The following APBB2 variants were observed in gnomAD, a reference collection of about 807,000 sequenced individuals.
The protein encoded by APBB2 is Fe65-like 1.
A neutral mutation model predicts 82.5 loss-of-function variants in APBB2; 38 were observed. The ratio of observed to expected loss-of-function variants is 0.46; its 90% CI spans 0.36 to 0.60. The LOEUF (loss-of-function observed/expected upper bound fraction) is 0.60, where lower values mean the gene tolerates loss of function less well. Ranked by LOEUF, APBB2 falls within the 20% of genes least tolerant of loss-of-function variation. APBB2 has a pLI of 0.00. For missense variants in APBB2, 772 were observed against 972.3 expected (o/e 0.79, Z 2.74); for synonymous variants, 341 against 368.2 (o/e 0.93, Z 0.85).
intron 12 of APBB2, among the ~76,000 whole-genome samples, chr4:40,876,516 G>A (rs1318629334): frequency 2.6e-5 from 4 of 152,118 alleles, no homozygotes; most frequent in Non-Finnish European, 5.9e-5. Flanking sequence ...GATTCAGCAC[G>A]TTGCTGTATA....
intron 4 of APBB2, among the ~76,000 whole-genome samples, chr4:41,042,278 C>T (rs539736643): frequency 1.1e-4 from 17 of 152,264 alleles, no homozygotes; most frequent in African/African-American, 3.4e-4. Flanking sequence ...CGTGAGCCAC[C>T]GTGCCCGGCC....
chr4:40,930,686 T>C (rs1784018406), intron 10 of APBB2, among the ~76,000 whole-genome samples: 2 of 152,186 alleles, frequency 1.3e-5, no homozygotes, highest in African/African-American at 2.4e-5. Flanking sequence ...ATAATAACTT[T>C]TAAGTAATCA....
intron 10 of APBB2, 124 bp from the exon 11 acceptor site, chr4:40,893,535 G>T: frequency 1.2e-6 from 1 of 816,242 alleles, no homozygotes; most frequent in Non-Finnish European, 1.8e-6. Context: ...GCTTCATTAT[G>T]TTCAATCATC....
At chr4:40,888,650 TCG>T (rs1771039527) in intron 12 of APBB2, among the ~76,000 whole-genome samples, 2 of 151,442 alleles carry the variant, frequency 1.3e-5, no homozygotes, top group African/African-American at 4.9e-5. Flanking sequence ...GGCTCCTGCC[TCG>T]CACACGTATG....
At chr4:40,946,711 T>C (rs372109352) in intron 6 of APBB2, among the ~76,000 whole-genome samples, 1 of 151,922 alleles carries the variant, frequency 6.6e-6, no homozygotes, top group Non-Finnish European at 1.5e-5. Flanking sequence ...AAACTTGAGC[T>C]CTAAACCCAG....
intron 1 of APBB2, among the ~76,000 whole-genome samples, chr4:41,213,811 C>T (rs1302444417): frequency 6.6e-6 from 1 of 152,190 alleles, no homozygotes; most frequent in Non-Finnish European, 1.5e-5. Flanking sequence ...GGAAAAGGAA[C>T]TTTTCCCCCC....
chr4:41,140,495 T>C lies in APBB2; in HGVS notation c.-261+2492A>G, dbSNP rs1472409274. 4.6e-5 allele frequency among the ~76,000 whole-genome samples: 7 copies of C among 152,334 alleles called. No individual in the cohort carries two copies. In the East Asian group the frequency reaches 9.6e-4, roughly 21 times the overall value. On this transcript the variant is annotated intron_variant, in intron 2 of 17. Transcript: ENST00000508593. Reference sequence around the variant, plus strand: ...CCACCCAACAGAATTCCTAATTCCATCTCTGTTCCCACAAAACTTTGTTCT... The same window carrying C: ...CCACCCAACAGAATTCCTAATTCCACCTCTGTTCCCACAAAACTTTGTTCT...
intron 6 of APBB2, among the ~76,000 whole-genome samples, chr4:40,953,296 C>CAA (rs35104971): frequency 0.01 from 996 of 95,192 alleles, 16 homozygotes; most frequent in Non-Finnish European, 0.013. Flanking sequence ...AACTCCATCT[C>CAA]AAAAAAAAAA....
At chr4:40,933,050 G>A (rs1476214360) in intron 10 of APBB2, among the ~76,000 whole-genome samples, 1 of 152,204 alleles carries the variant, frequency 6.6e-6, no homozygotes, top group African/African-American at 2.4e-5. Context: ...TTTTAGTAGA[G>A]ACGGGGTTTC....
At position 40,990,886 on chromosome 4, in the gene APBB2, A is replaced by ATGC. The variant is rs1408882780; in HGVS notation, c.835+22694_835+22696dup. Among the ~76,000 whole-genome samples the ATGC allele has an allele frequency of 5.3e-5, 8 of 152,204 alleles. No individual in the cohort carries two copies. In the South Asian group the frequency reaches 1.0e-3, roughly 20 times the overall value. On this transcript the variant is annotated intron_variant, in intron 6 of 17. Coordinates refer to ENST00000508593, the MANE Select transcript of APBB2 (RefSeq NM_004307.2). ...TCATGAAGGTGTAAATTGGGTTGAT[A>ATGC]TGCTCTATGGAGGCAAATGGAGGAA... is the stretch of plus-strand genomic sequence containing the variant.
chr4:41,158,735 C>G (rs1764105219), intron 1 of APBB2, among the ~76,000 whole-genome samples: 1 of 152,136 alleles, frequency 6.6e-6, no homozygotes, highest in Non-Finnish European at 1.5e-5. Context: ...TTTTGTAGCA[C>G]AAACCAGAAA....
At chr4:41,136,166 C>T (rs1469796678) in intron 2 of APBB2, among the ~76,000 whole-genome samples, 1 of 152,152 alleles carries the variant, frequency 6.6e-6, no homozygotes, top group Non-Finnish European at 1.5e-5. Flanking sequence ...TCAAAGTAAA[C>T]GATGGTTAAG....
chr4:40,968,911 G>T lies in APBB2; in HGVS notation c.836-23838C>A, dbSNP rs551018358. Among the ~76,000 whole-genome samples, 6 of 152,246 alleles carry T rather than the reference G, an allele frequency of 3.9e-5. No individual in the cohort carries two copies. The South Asian group carries it at 1.2e-3, about 32-fold the overall frequency. On this transcript the variant is annotated intron_variant, in intron 6 of 17. Transcript: ENST00000508593. ...TGGTGGGAGTTAATTGAATCATGGG[G>T]GAGGTTTCCCCCATACTGTTCTCAT...
intron 1 of APBB2, among the ~76,000 whole-genome samples, chr4:41,162,426 T>G (rs905460462): frequency 6.6e-6 from 1 of 151,878 alleles, no homozygotes; most frequent in Non-Finnish European, 1.5e-5. Context: ...GGATTTTGCT[T>G]TCTTTTTATC....
rs140178550 is a variant in APBB2, at chr4:41,030,899, T to C, written c.19+2337A>G. On this transcript the variant is annotated intron_variant, in intron 5 of 17. Transcript: ENST00000508593. ...CCTGAGCTGAATCGTGAAGGGCCAA[T>C]AGGAGTTTCAGAGGCAGACAATGGT... Among the ~76,000 whole-genome samples the C allele has an allele frequency of 8.5e-5, 13 of 152,096 alleles. No individual in the cohort carries two copies. The East Asian group carries it at 2.5e-3, about 29-fold the overall frequency.
rs565556695 is a variant in APBB2 at position 40,872,277 on chromosome 4, A to G, written c.1529+18087T>C. Among the ~76,000 whole-genome samples, 33 of 152,318 alleles carry G rather than the reference A, an allele frequency of 2.2e-4. No individual in the cohort carries two copies. The South Asian group carries it at 5.2e-3, about 24-fold the overall frequency. ...CCCACCATGGACTTTTAGCAGAAAG[A>G]ATTGTTATAAGCCACTGAGATTTTT... On this transcript the variant is annotated intron_variant, in intron 12 of 17. Transcript: ENST00000508593.
At chr4:41,089,989 G>A (rs1470276903) in intron 3 of APBB2, among the ~76,000 whole-genome samples, 1 of 152,048 alleles carries the variant, frequency 6.6e-6, no homozygotes, top group African/African-American at 2.4e-5. Flanking sequence ...TCAAATCCAT[G>A]TATATGAACT....
intron 6 of APBB2, among the ~76,000 whole-genome samples, chr4:40,997,177 C>A (rs1245431706): frequency 1.3e-5 from 2 of 152,148 alleles, no homozygotes; most frequent in African/African-American, 4.8e-5. Context: ...ACTATATAAA[C>A]CCCTAAGTTT....
chr4:40,976,560 A>G (rs1229156716), intron 6 of APBB2, among the ~76,000 whole-genome samples: 1 of 152,206 alleles, frequency 6.6e-6, no homozygotes, highest in Non-Finnish European at 1.5e-5. Context: ...AAAAATTAGT[A>G]AAGTGCCTAG....
Sources: allele counts gnomAD v4.1 joint callset (sites outside exome capture counted in the v4.1 genomes callset), GRCh38; gene constraint gnomAD v4.1.1; transcripts MANE v1.5; gene names NCBI Gene and HGNC (gene_info 2026-07-23, HGNC 2026-07-21).